The following PDK4 variants were observed in gnomAD, a reference collection of about 807,000 sequenced individuals.
The protein encoded by PDK4 is pyruvate dehydrogenase kinase, isozyme 4.
In PDK4, 43 loss-of-function variants were observed where a neutral mutation model predicts 51.7. That is an observed-to-expected ratio of 0.83 (90% CI 0.65 to 1.07). The LOEUF (loss-of-function observed/expected upper bound fraction) is 1.07, where lower values mean the gene tolerates loss of function less well. Among genes scored for constraint, PDK4 ranks in the 50% least tolerant of loss-of-function variants. PDK4 has a pLI of 0.00. For synonymous variants in PDK4, 170 were observed against 176.6 expected (o/e 0.96, Z 0.30); for missense variants, 498 against 503.5 (o/e 0.99, Z 0.10).
rs1025892010 is a variant in PDK4 at position 95,583,982 on chromosome 7, G to C, written c.*1659C>G. On this transcript the variant is annotated 3_prime_UTR_variant, in exon 11 of 11. Transcript: ENST00000005178. Reference sequence around the variant, plus strand: ...AAAAACTGAAATCCACAAAAAAATAGTTGAGCTTCTATTACCATTACCAGA... The same window carrying C: ...AAAAACTGAAATCCACAAAAAAATACTTGAGCTTCTATTACCATTACCAGA... The C allele has an allele frequency of 1.3e-5, 2 of 152,128 alleles. No individual in the cohort carries two copies. Among genetic ancestry groups the C allele is most frequent in the Non-Finnish European group, 2.9e-5 (2 of 68,020 alleles). 9.4% of individuals were successfully genotyped at this position (152,128 alleles called of 1,614,324 possible). A position where few individuals can be genotyped will look rare whatever the true frequency, so the allele number is the denominator to read the frequency against.
Position 95,587,132 on chromosome 7 carries a change from G to A in PDK4, c.982-9C>T, listed in dbSNP as rs753468545. The A allele has an allele frequency of 1.3e-6, 2 of 1,515,244 alleles. No individual in the cohort carries two copies. The highest frequency in any genetic ancestry group is 9.2e-7 in the Non-Finnish European group (1 of 1,091,956). 93.9% of individuals were successfully genotyped at this position (1,515,244 alleles called of 1,614,324 possible). On this transcript the variant is annotated splice_polypyrimidine_tract_variant and intron_variant, in intron 9 of 10. Transcript: ENST00000005178. ...CCGTAACCAAAACCAGCCTAGAGAAGAGAGACGTTATCAGGTAAAGAAGTG... is the reference window on the plus strand; with the variant it reads ...CCGTAACCAAAACCAGCCTAGAGAAAAGAGACGTTATCAGGTAAAGAAGTG...
In PDK4 at chr7:95,593,704, T is replaced by A. The variant is rs1562838996; in HGVS notation, c.339A>T (p.Leu113Phe). ...TTCTAATGCATAGAGCTTACTCTGATAATGCTTTCTGGTCATCTGGGCTTT... is the reference window on the plus strand; with the variant it reads ...TTCTAATGCATAGAGCTTACTCTGAAAATGCTTTCTGGTCATCTGGGCTTT... ...HEKSPDDQKALSDFVDTLIKV... is the reference protein window; with the variant it reads ...HEKSPDDQKAFSDFVDTLIKV... The change falls in exon 3 of 11, where the codon TTA (leucine) becomes TTT (phenylalanine). Residue 113 changes from leucine to phenylalanine, a missense_variant. By Grantham distance (22) the Leu-to-Phe change is conservative. Coordinates refer to ENST00000005178, the MANE Select transcript of PDK4 (RefSeq NM_002612.4). 1 of 1,488,838 alleles carries A rather than the reference T, an allele frequency of 6.7e-7. No individual in the cohort carries two copies. The highest frequency in any genetic ancestry group is 1.1e-5 in the South Asian group (1 of 88,512). 92.2% of individuals were successfully genotyped at this position (1,488,838 alleles called of 1,614,324 possible).
chr7:95,591,517 T>G (rs1329356389), intron 6 of PDK4, among the ~76,000 whole-genome samples: 1 of 152,208 alleles, frequency 6.6e-6, no homozygotes, highest in Non-Finnish European at 1.5e-5. Flanking sequence ...ACTCTGCTTC[T>G]GTGAGTGTGA....
intron 7 of PDK4, among the ~76,000 whole-genome samples, chr7:95,589,429 G>A (rs1791525030): frequency 6.6e-6 from 1 of 152,192 alleles, no homozygotes; most frequent in Admixed American, 6.5e-5. Context: ...TGAATTGTAT[G>A]ATGCATTCTC....
At chr7:95,595,650 T>C (rs1394771383) in intron 1 of PDK4, among the ~76,000 whole-genome samples, 1 of 152,140 alleles carries the variant, frequency 6.6e-6, no homozygotes, top group Non-Finnish European at 1.5e-5. Flanking sequence ...AATGTGTAAA[T>C]ATTTTCAGCA....
At chr7:95,593,080 T>C (rs1791573066) in intron 3 of PDK4, 136 bp from the exon 4 acceptor site, 3 of 507,968 alleles carry the variant, frequency 5.9e-6, no homozygotes, top group Non-Finnish European at 1.0e-5. Context: ...ACATTAGTCC[T>C]TTATTAGTAA....
chr7:95,586,258 G>C (rs1791481728), intron 10 of PDK4, among the ~76,000 whole-genome samples: 1 of 146,700 alleles, frequency 6.8e-6, no homozygotes, highest in African/African-American at 2.5e-5. Context: ...GCAGGGGCAC[G>C]ATCTCAGCTC....
At chr7:95,585,855 T>C (rs933800145) in intron 10 of PDK4, 74 bp from the exon 11 acceptor site, 2 of 1,279,684 alleles carry the variant, frequency 1.6e-6, no homozygotes, top group Admixed American at 3.8e-5. Context: ...AAGTTATTAC[T>C]CAAAATACAT....
At chr7:95,588,086 C>T (rs575034280) in intron 7 of PDK4, among the ~76,000 whole-genome samples, 1 of 152,162 alleles carries the variant, frequency 6.6e-6, no homozygotes, top group East Asian at 1.9e-4. Flanking sequence ...CTGTCAAGTT[C>T]TTATTTGTAA....
Position 95,585,298 on chromosome 7 carries a change from T to G in PDK4, c.*343A>C, listed in dbSNP as rs1791466960. 1.4e-5 allele frequency: 1 copy of G among 72,280 alleles called. No individual in the cohort carries two copies. Among genetic ancestry groups the G allele is most frequent in the Non-Finnish European group, 2.4e-5 (1 of 42,114 alleles). The allele number at this position is 72,280 out of a possible 1,614,324, so 4.5% of individuals were successfully genotyped here. ...AACAAGAGGCCTAAAATATCAGTCT[T>G]AGTGAAACTGCTAACCACCATCTTC... On this transcript the variant is annotated 3_prime_UTR_variant, in exon 11 of 11. Coordinates refer to ENST00000005178, the MANE Select transcript of PDK4 (RefSeq NM_002612.4).
intron 2 of PDK4, among the ~76,000 whole-genome samples, chr7:95,594,615 C>T (rs992580816): frequency 4.6e-5 from 7 of 152,166 alleles, no homozygotes; most frequent in African/African-American, 1.7e-4. Context: ...AGAGCCCACT[C>T]TGTCAATCAC....
chr7:95,589,788 T>G, intron 6 of PDK4, 72 bp from the exon 7 acceptor site: 1 of 873,084 alleles, frequency 1.1e-6, no homozygotes, highest in Non-Finnish European at 1.9e-6. Flanking sequence ...ATTCATGTGA[T>G]TAACATTTTA....
At chr7:95,590,938 T>G (rs182197373) in intron 6 of PDK4, among the ~76,000 whole-genome samples, 2 of 152,250 alleles carry the variant, frequency 1.3e-5, no homozygotes, top group East Asian at 3.9e-4. Context: ...GAAATTTTGT[T>G]TGTTTGTTTG....
In PDK4 at chr7:95,592,493, C is replaced by G. The variant is rs747813883; in HGVS notation, c.616+18G>C. 7.1e-6 allele frequency: 10 copies of G among 1,415,604 alleles called. No homozygotes were observed. In the Admixed American group the frequency reaches 1.2e-4, roughly 17 times the overall value. 87.7% of individuals were successfully genotyped at this position (1,415,604 alleles called of 1,614,324 possible). A position where few individuals can be genotyped will look rare whatever the true frequency, so the allele number is the denominator to read the frequency against. ...TTGTACATTTTCAATAAGGGAAGTG[C>G]AGAAATACAGAACATACCTTGGACC... On this transcript the variant is annotated intron_variant, in intron 5 of 10. Coordinates refer to ENST00000005178, the MANE Select transcript of PDK4 (RefSeq NM_002612.4).
intron 6 of PDK4, among the ~76,000 whole-genome samples, chr7:95,590,621 T>C (rs1228655101): frequency 1.3e-5 from 2 of 152,176 alleles, no homozygotes; most frequent in African/African-American, 4.8e-5. Context: ...ATACGTTCCA[T>C]TCTTTATTTG....
chr7:95,596,064 A>G, intron 1 of PDK4, 100 bp downstream of exon 1: 9 of 1,274,862 alleles, frequency 7.1e-6, no homozygotes, highest in Non-Finnish European at 9.6e-6. Context: ...AGTGAACCCC[A>G]GTTGTTTTAG....
rs777726425 is a variant in PDK4, at chr7:95,587,429, T to C, written c.970A>G (p.Asn324Asp). The C allele has an allele frequency of 3.1e-6, 5 of 1,591,834 alleles. No homozygotes were observed. The South Asian group carries it at 3.3e-5, about 11-fold the overall frequency. ...ATAATTGTTCTTACCAAAGGAGCAT[T>C]CCGGGAATTATCCATCACAGGCGTT... The part of the protein sequence containing the change: ...APTPVMDNSR[N>D]APLAGFGYGL... The change falls in exon 9 of 11, where the codon AAT (asparagine) becomes GAT (aspartate). Residue 324 changes from asparagine to aspartate, a missense_variant. Physicochemically the swap from Asn to Asp is conservative, Grantham distance 23. Transcript: ENST00000005178.
In PDK4 at chr7:95,584,198, TCCATACTGC is replaced by T. The variant is rs1412792294; in HGVS notation, c.*1434_*1442del. 2 of 152,300 alleles carry T rather than the reference TCCATACTGC, an allele frequency of 1.3e-5. No individual in the cohort carries two copies. Among genetic ancestry groups the T allele is most frequent in the Non-Finnish European group, 2.9e-5 (2 of 68,016 alleles). 9.4% of individuals were successfully genotyped at this position (152,300 alleles called of 1,614,324 possible). ...GTAAGAGTGAGAGGCATTTAAAGAA[TCCATACTGC>T]TTTCAAAACACCAGTTCTTCCTCTT... On this transcript the variant is annotated 3_prime_UTR_variant, in exon 11 of 11. Coordinates refer to ENST00000005178, the MANE Select transcript of PDK4 (RefSeq NM_002612.4).
chr7:95,586,212 T>TTTTTTA (rs1791480974), intron 10 of PDK4, among the ~76,000 whole-genome samples: 1 of 150,470 alleles, frequency 6.6e-6, no homozygotes, highest in African/African-American at 2.5e-5. Context: ...TTTTTTTTTT[T>TTTTTTA]GAGACGGAGT....
Sources: allele counts gnomAD v4.1 joint callset (sites outside exome capture counted in the v4.1 genomes callset), GRCh38; gene constraint gnomAD v4.1.1; transcripts MANE v1.5; gene names NCBI Gene and HGNC (gene_info 2026-07-23, HGNC 2026-07-21).